FAM234B: variants seen among roughly 807,000 people sequenced by gnomAD.
FAM234B encodes the protein protein FAM234B.
A neutral mutation model predicts 69.3 loss-of-function variants in FAM234B; 33 were observed. That is an observed-to-expected ratio of 0.48 (90% CI 0.36 to 0.64). FAM234B has a LOEUF of 0.64. Ranked by LOEUF, FAM234B falls within the 30% of genes least tolerant of loss-of-function variation. The pLI, the probability that FAM234B is intolerant of heterozygous loss-of-function variation, is 0.00. For synonymous variants in FAM234B, 306 were observed against 306.9 expected (o/e 1.00, Z 0.03); for missense variants, 697 against 769.7 (o/e 0.91, Z 1.12).
chr12:13,048,420 T>C (rs1265692875), intron 1 of FAM234B, among the ~76,000 whole-genome samples: 1 of 152,232 alleles, frequency 6.6e-6, no homozygotes, highest in Non-Finnish European at 1.5e-5. Context: ...CTTGGGACTC[T>C]GTGTACTCAT....
chr12:13,058,148 C>A (rs1252828227), intron 2 of FAM234B, among the ~76,000 whole-genome samples: 1 of 152,130 alleles, frequency 6.6e-6, no homozygotes, highest in Non-Finnish European at 1.5e-5. Context: ...TTCCAGCACC[C>A]TATCTGGGTA....
intron 11 of FAM234B, 74 bp downstream of exon 11, chr12:13,076,217 C>T: frequency 9.1e-7 from 1 of 1,095,350 alleles, no homozygotes; most frequent in Non-Finnish European, 1.4e-6. Context: ...TGTAATGAGA[C>T]CATTGCCCCA....
At position 13,044,472 on chromosome 12, in the gene FAM234B, C is replaced by T. The variant is rs1864779742; in HGVS notation, c.37+32C>T. On this transcript the variant is annotated intron_variant, in intron 1 of 12. Coordinates refer to ENST00000197268, the MANE Select transcript of FAM234B (RefSeq NM_020853.2). This position sits in a 1 kb window ranked among gnomAD's most constrained non-coding sequence, Gnocchi z 5.6. ...AGTCGCATGCTTGCGACCACCCAGT[C>T]CCCGCCGGTGTTGGAATAAGGGGAG... 1.3e-6 allele frequency: 2 copies of T among 1,549,822 alleles called. 1 individual carries two copies. The highest frequency in any genetic ancestry group is 3.4e-4 in the Middle Eastern group (2 of 5,962).
At chr12:13,061,457 C>T (rs1864981429) in intron 3 of FAM234B, 118 bp from the exon 4 acceptor site, 2 of 735,710 alleles carry the variant, frequency 2.7e-6, no homozygotes, top group Admixed American at 5.7e-5. Flanking sequence ...GAGCTGAATA[C>T]ACAAGTGTGG....
In FAM234B at chr12:13,066,737, C is replaced by T; in HGVS notation, c.950C>T (p.Pro317Leu). The change falls in exon 6 of 13, where the codon CCT (proline) becomes CTT (leucine). Residue 317 changes from proline (P) to leucine (L), a missense_variant. Pro to Leu is a moderately conservative substitution (Grantham distance 98). Transcript: ENST00000197268. The part of the protein sequence containing the change: ...NIVGVGNLIG[P>L]QVYITTNGAV... Reference sequence around the variant, plus strand: ...GTTGGAGTTGGGAATCTGATTGGTCCTCAGGTTTACATCACCACAAATGGG... The same window carrying T: ...GTTGGAGTTGGGAATCTGATTGGTCTTCAGGTTTACATCACCACAAATGGG... The T allele has an allele frequency of 6.2e-7, 1 of 1,614,066 alleles. No homozygotes were observed. The highest frequency in any genetic ancestry group is 8.5e-7 in the Non-Finnish European group (1 of 1,179,986).
At chr12:13,052,724 C>T (rs1223228571) in intron 1 of FAM234B, among the ~76,000 whole-genome samples, 6 of 140,552 alleles carry the variant, frequency 4.3e-5, no homozygotes, top group African/African-American at 1.1e-4. Flanking sequence ...TTTCATTTAG[C>T]GTAATGTCCT....
chr12:13,075,433 C>CTTTTTTTTTTTTTTTTTTTT (rs59012504), intron 10 of FAM234B, among the ~76,000 whole-genome samples: 3 of 137,506 alleles, frequency 2.2e-5, no homozygotes, highest in Non-Finnish European at 4.7e-5. Flanking sequence ...CTTTTCTTTT[C>CTTTTTTTTTTTTTTTTTTTT]TTTTTTTTTT....
At chr12:13,073,832 AT>A (rs1865133500) in intron 10 of FAM234B, among the ~76,000 whole-genome samples, 1 of 152,124 alleles carries the variant, frequency 6.6e-6, no homozygotes, top group Non-Finnish European at 1.5e-5. Flanking sequence ...AACAAGATTA[AT>A]TTTTTCCTCA....
At position 13,058,548 on chromosome 12, in the gene FAM234B, A is replaced by C. The variant is rs375968331; in HGVS notation, c.531A>C (p.Val177=). 2.0e-5 allele frequency: 32 copies of C among 1,603,862 alleles called. No individual in the cohort carries two copies. The highest frequency in any genetic ancestry group is 2.7e-5 in the Non-Finnish European group (32 of 1,176,714). ...SFVMSRNGSA[V]GVSRPAANLV... is the part of the protein sequence containing the mutation. ...TGATGTCAAGGAACGGGAGTGCAGTAGGTAAGAGACGTGTTTTTTTCAAGG... is the reference window on the plus strand; with the variant it reads ...TGATGTCAAGGAACGGGAGTGCAGTCGGTAAGAGACGTGTTTTTTTCAAGG... Residue 177 remains valine, a splice_region_variant and synonymous_variant, in exon 3 of 13, where the codon GTA becomes GTC. Transcript: ENST00000197268.
At chr12:13,048,709 T>C (rs1864839574) in intron 1 of FAM234B, among the ~76,000 whole-genome samples, 2 of 152,308 alleles carry the variant, frequency 1.3e-5, no homozygotes, top group South Asian at 4.1e-4. Flanking sequence ...TCACTTGCTG[T>C]TTATCTGTGG....
intron 1 of FAM234B, among the ~76,000 whole-genome samples, chr12:13,050,120 T>C (rs1864859904): frequency 6.6e-6 from 1 of 152,224 alleles, no homozygotes; most frequent in African/African-American, 2.4e-5. Context: ...GACTTTGTTT[T>C]GCCAGTTATC....
chr12:13,071,425 T>G, intron 10 of FAM234B, 29 bp downstream of exon 10: 4 of 1,607,458 alleles, frequency 2.5e-6, no homozygotes. Flanking sequence ...GTCCCTTTTT[T>G]ACTTTGTCAG....
chr12:13,061,836 A>G (rs1864986671), intron 4 of FAM234B, 73 bp downstream of exon 4: 3 of 1,374,660 alleles, frequency 2.2e-6, no homozygotes, highest in East Asian at 4.7e-5. Context: ...TCTGTTGGGT[A>G]GGGGACCTTT....
chr12:13,062,506 G>T (rs1382317099), intron 4 of FAM234B: 1 of 171,516 alleles, frequency 5.8e-6, no homozygotes, highest in African/African-American at 2.4e-5. Context: ...CTGCCCCTGG[G>T]GGTTCCTTAA....
intron 1 of FAM234B, among the ~76,000 whole-genome samples, chr12:13,053,823 T>C (rs1864900462): frequency 1.3e-5 from 2 of 152,054 alleles, no homozygotes; most frequent in Admixed American, 1.3e-4. Flanking sequence ...CATATTTCAG[T>C]CCTTATCTCA....
rs899277834 is a variant in FAM234B, at chr12:13,044,420, C to T, written c.17C>T (p.Ser6Phe). Residue 6 changes from serine (S) to phenylalanine (F), a missense_variant, in exon 1 of 13, where the codon TCC becomes TTC. Physicochemically the swap from Ser to Phe is radical, Grantham distance 155. Coordinates refer to ENST00000197268, the MANE Select transcript of FAM234B (RefSeq NM_020853.2). The surrounding 1 kb of genome is among the most constrained non-coding windows in gnomAD (Gnocchi z 5.6). Reference protein sequence around the residue: MATVLSRALKLPGKKS... With the variant: MATVLFRALKLPGKKS... ...GCCTCAGCCATGGCGACCGTGCTGT[C>T]CAGGGCGCTCAAGCTGCCGGGTAAG... The T allele has an allele frequency of 1.9e-6, 3 of 1,551,778 alleles. No homozygotes were observed. The highest frequency in any genetic ancestry group is 2.6e-6 in the Non-Finnish European group (3 of 1,147,424).
chr12:13,067,370 G>T lies in FAM234B; in HGVS notation c.1142+74G>T. On this transcript the variant is annotated intron_variant, in intron 7 of 12. Coordinates refer to ENST00000197268, the MANE Select transcript of FAM234B (RefSeq NM_020853.2). The surrounding 1 kb of genome is among the most constrained non-coding windows in gnomAD (Gnocchi z 4.7). ...ACATGCCTTTGAGTCTCTAAGTTTG[G>T]TTGGGCTGGTGAATATGTGGGTAGA... The T allele has an allele frequency of 1.3e-6, 2 of 1,539,526 alleles. No individual in the cohort carries two copies. The highest frequency in any genetic ancestry group is 2.3e-5 in the East Asian group (1 of 44,308).
intron 1 of FAM234B, among the ~76,000 whole-genome samples, chr12:13,049,775 G>A (rs1276486500): frequency 6.6e-6 from 1 of 152,160 alleles, no homozygotes; most frequent in Non-Finnish European, 1.5e-5. Context: ...CCATCTTGTG[G>A]TGTGATTTGT....
In FAM234B at chr12:13,074,861, A is replaced by G. The variant is rs541528272; in HGVS notation, c.1525-1165A>G. On this transcript the variant is annotated intron_variant, in intron 10 of 12. Transcript: ENST00000197268. ...TGGGGACTTCTTCCCATGCAGCGAT[A>G]TGGAAGCAGGGGTAATATTCATCCC... 2.0e-5 allele frequency among the ~76,000 whole-genome samples: 3 copies of G among 152,242 alleles called. No homozygotes were observed. In the South Asian group the frequency reaches 6.2e-4, roughly 32 times the overall value.
Sources: gnomAD v4.1 joint callset for allele counts (sites outside exome capture counted in the v4.1 genomes callset) on GRCh38, gnomAD v4.1.1 for gene constraint, Gnocchi (gnomAD v3.1) non-coding constraint, MANE v1.5 for transcripts, NCBI Gene and HGNC (gene_info 2026-07-23, HGNC 2026-07-21) for gene names.